MED26: variants seen among roughly 807,000 people sequenced by gnomAD.
MED26 encodes mediator complex subunit 26, also known as mediator of RNA polymerase II transcription subunit 26.
In MED26, 7 loss-of-function variants were observed where a neutral mutation model predicts 43.7. The observed-to-expected ratio is 0.16, with a 90% CI of 0.09 to 0.30. MED26 has a LOEUF of 0.30. Ranked by LOEUF, MED26 falls within the 10% of genes least tolerant of loss-of-function variation. The pLI, the probability that MED26 is intolerant of heterozygous loss-of-function variation, is 1.00. For synonymous variants in MED26, 375 were observed against 371.1 expected (o/e 1.01, Z -0.12); for missense variants, 784 against 840.6 (o/e 0.93, Z 0.83).
At chr19:16,595,142 A>G (rs1041374736) in intron 1 of MED26, among the ~76,000 whole-genome samples, 4 of 152,108 alleles carry the variant, frequency 2.6e-5, no homozygotes, top group Admixed American at 2.0e-4. Context: ...AGGAAAGCCC[A>G]CAGTCCAGGA....
chr19:16,582,695 C>T (rs1312192341), intron 1 of MED26, among the ~76,000 whole-genome samples: 2 of 152,092 alleles, frequency 1.3e-5, no homozygotes, highest in Non-Finnish European at 2.9e-5. Flanking sequence ...GGGAGGCAGG[C>T]CACAGGGGGA....
rs554842387 is a variant in MED26, at chr19:16,619,829, A to G, written c.72+8043T>C. The stretch of plus-strand genomic sequence containing the variant: ...TCCACAGCAGCCACGAGGCTGACCC[A>G]CCACCAGGGTGTGGCCTGGACAAAG... On this transcript the variant is annotated intron_variant, in intron 1 of 2. Coordinates refer to ENST00000263390, the MANE Select transcript of MED26 (RefSeq NM_004831.5). Among the ~76,000 whole-genome samples the G allele has an allele frequency of 2.0e-5, 3 of 152,312 alleles. No homozygotes were observed. In the East Asian group the frequency reaches 5.8e-4, roughly 29 times the overall value.
intron 1 of MED26, among the ~76,000 whole-genome samples, chr19:16,620,772 C>A (rs1241269806): frequency 6.6e-6 from 1 of 152,352 alleles, no homozygotes; most frequent in Admixed American, 6.5e-5. Flanking sequence ...AGGTGTCACA[C>A]ACATACAGGT....
At chr19:16,609,391 AC>A (rs1275874723) in intron 1 of MED26, among the ~76,000 whole-genome samples, 1 of 151,930 alleles carries the variant, frequency 6.6e-6, no homozygotes. Context: ...AGAAGCTGAT[AC>A]AAAAGCTCAG....
At chr19:16,583,768 C>G (rs1432898866) in intron 1 of MED26, among the ~76,000 whole-genome samples, 4 of 152,190 alleles carry the variant, frequency 2.6e-5, no homozygotes, top group African/African-American at 7.2e-5. Context: ...AATGGAAATC[C>G]ATGAGGCATG....
At chr19:16,604,964 C>T (rs2086165800) in intron 1 of MED26, among the ~76,000 whole-genome samples, 1 of 152,254 alleles carries the variant, frequency 6.6e-6, no homozygotes, top group Non-Finnish European at 1.5e-5. Context: ...TCAGTACCTA[C>T]CTGCAGTACT....
In MED26 at chr19:16,586,752, C is replaced by T. The variant is rs779319897; in HGVS notation, c.73-8343G>A. Among the ~76,000 whole-genome samples, 19 of 152,222 alleles carry T rather than the reference C, an allele frequency of 1.2e-4. No individual in the cohort carries two copies. Among genetic ancestry groups the T allele is most frequent in the Non-Finnish European group, 2.4e-4 (16 of 68,046 alleles). On this transcript the variant is annotated intron_variant, in intron 1 of 2. Transcript: ENST00000263390. The surrounding 1 kb of genome is among the most constrained non-coding windows in gnomAD (Gnocchi z 5.1). ...GGCCAGCCTTCCTGACCACCCTGGA[C>T]GGTGGGCGGCACTGCCCTGGCAGCC... is the stretch of plus-strand genomic sequence containing the variant.
chr19:16,578,218 C>G (rs550209562), intron 2 of MED26, 117 bp downstream of exon 2: 1 of 983,752 alleles, frequency 1.0e-6, no homozygotes, highest in Non-Finnish European at 1.6e-6. Flanking sequence ...CACACCGCCT[C>G]TCTTGGTCCT....
chr19:16,600,161 C>T (rs1186592138), intron 1 of MED26, among the ~76,000 whole-genome samples: 1 of 152,066 alleles, frequency 6.6e-6, no homozygotes, highest in Non-Finnish European at 1.5e-5. Context: ...GGTCCCCCCT[C>T]ATCCCCCCGG....
chr19:16,604,671 G>A (rs193130732), intron 1 of MED26, among the ~76,000 whole-genome samples: 30 of 152,276 alleles, frequency 2.0e-4, no homozygotes, highest in Non-Finnish European at 1.0e-4. Context: ...CTTAGGCCAG[G>A]TTTGCTGGGT....
At chr19:16,623,736 T>G (rs1048454549) in intron 1 of MED26, among the ~76,000 whole-genome samples, 1 of 152,192 alleles carries the variant, frequency 6.6e-6, no homozygotes, top group Non-Finnish European at 1.5e-5. Flanking sequence ...TGCCCCCTCG[T>G]GCCTCTTCCG....
chr19:16,604,796 G>A (rs1205925999), intron 1 of MED26, among the ~76,000 whole-genome samples: 1 of 152,332 alleles, frequency 6.6e-6, no homozygotes, highest in Non-Finnish European at 1.5e-5. Context: ...GGCTCACAGC[G>A]ATTGCGCCAC....
chr19:16,627,879 T>TG lies in MED26; in HGVS notation c.64dup (p.Gln22ProfsTer28). 1 of 1,493,958 alleles carries TG rather than the reference T, an allele frequency of 6.7e-7. No individual in the cohort carries two copies. The highest frequency in any genetic ancestry group is 8.9e-7 in the Non-Finnish European group (1 of 1,118,174). 92.5% of individuals were successfully genotyped at this position (1,493,958 alleles called of 1,614,324 possible). A position where few individuals can be genotyped will look rare whatever the true frequency, so the allele number is the denominator to read the frequency against. ...CGCGCGGCGGGTACTTACGTTGCTC[T>TG]GGGGGTCGATGGCCTGCAGCAGCCG... On this transcript the variant is annotated frameshift_variant, in exon 1 of 3. Coordinates refer to ENST00000263390, the MANE Select transcript of MED26 (RefSeq NM_004831.5). LOFTEE classifies it high-confidence loss of function.
At chr19:16,600,570 C>T (rs1464914901) in intron 1 of MED26, among the ~76,000 whole-genome samples, 1 of 152,152 alleles carries the variant, frequency 6.6e-6, no homozygotes, top group Middle Eastern at 3.2e-3. Context: ...CCTATCAGCT[C>T]CCTGGGTTCT....
At chr19:16,595,324 G>A (rs1185089200) in intron 1 of MED26, among the ~76,000 whole-genome samples, 2 of 152,158 alleles carry the variant, frequency 1.3e-5, no homozygotes, top group Non-Finnish European at 2.9e-5. Context: ...CGAGCACACC[G>A]AGGGAAGCAA....
In MED26 at chr19:16,587,844, A is replaced by T. The variant is rs1222849744; in HGVS notation, c.73-9435T>A. ...GAGCCCTGACTGAACCCCATGAGCAACTCAGAAAGAGGAAGCCCAGGGCTT... is the reference window on the plus strand; with the variant it reads ...GAGCCCTGACTGAACCCCATGAGCATCTCAGAAAGAGGAAGCCCAGGGCTT... On this transcript the variant is annotated intron_variant, in intron 1 of 2. Transcript: ENST00000263390. The surrounding 1 kb of genome is among the most constrained non-coding windows in gnomAD (Gnocchi z 4.9). 2 of 152,374 alleles carry T rather than the reference A, an allele frequency of 1.3e-5. No individual in the cohort carries two copies. Among genetic ancestry groups the T allele is most frequent in the Middle Eastern group, 3.4e-3 (1 of 294 alleles). 9.4% of individuals were successfully genotyped at this position (152,374 alleles called of 1,614,324 possible). A position where few individuals can be genotyped will look rare whatever the true frequency, so the allele number is the denominator to read the frequency against.
At chr19:16,606,864 A>G (rs8105148) in intron 1 of MED26, among the ~76,000 whole-genome samples, 4,050 of 152,302 alleles carry the variant, frequency 0.027, 155 homozygotes, top group Admixed American at 0.084. Flanking sequence ...GGGATGCACA[A>G]TGCAACTGCT....
chr19:16,618,116 C>T (rs969776120), intron 1 of MED26, among the ~76,000 whole-genome samples: 1 of 152,276 alleles, frequency 6.6e-6, no homozygotes, highest in South Asian at 2.1e-4. Flanking sequence ...AGGGGAGGCA[C>T]AGATGAGAGG....
chr19:16,605,554 C>CA (rs1252554715), intron 1 of MED26, among the ~76,000 whole-genome samples: 1 of 152,208 alleles, frequency 6.6e-6, no homozygotes, highest in Admixed American at 6.5e-5. Context: ...CAGGCTGCCC[C>CA]ACTCACTGCA....
Sources: gnomAD v4.1 joint callset for allele counts (sites outside exome capture counted in the v4.1 genomes callset) on GRCh38, gnomAD v4.1.1 for gene constraint, Gnocchi (gnomAD v3.1) non-coding constraint, MANE v1.5 for transcripts, NCBI Gene and HGNC (gene_info 2026-07-23, HGNC 2026-07-21) for gene names.